The following FLI1 variants were observed in gnomAD, a reference collection of about 807,000 sequenced individuals.
FLI1 encodes the protein Fli-1 proto-oncogene, ETS transcription factor.
A neutral mutation model predicts 53.1 loss-of-function variants in FLI1; 13 were observed. That is an observed-to-expected ratio of 0.24 (90% CI 0.16 to 0.39). FLI1 has a LOEUF of 0.39. Among genes scored for constraint, FLI1 ranks in the 10% least tolerant of loss-of-function variants. The pLI, the probability that FLI1 is intolerant of heterozygous loss-of-function variation, is 1.00. For missense variants in FLI1, 424 were observed against 600.5 expected, an observed-to-expected ratio of 0.71 and a Z score of 3.07; for synonymous variants, 244 against 236.7, an observed-to-expected ratio of 1.03 and a Z score of -0.28.
rs553533840 is a variant in FLI1, at chr11:128,803,285, G to A, written c.656-2081G>A. 1.4e-4 allele frequency among the ~76,000 whole-genome samples: 21 copies of A among 152,264 alleles called. No homozygotes were observed. In the East Asian group the frequency reaches 2.5e-3, roughly 18 times the overall value. ...ACCCTGTTTTCTAGCATGGCTGCAA[G>A]CGCAAAACCTCCCTTAGTTCCCACC... On this transcript the variant is annotated intron_variant, in intron 5 of 8. Transcript: ENST00000527786.
At chr11:128,717,673 C>T (rs533588140) in intron 1 of FLI1, among the ~76,000 whole-genome samples, 69 of 152,328 alleles carry the variant, frequency 4.5e-4, no homozygotes, top group Middle Eastern at 3.4e-3. Flanking sequence ...TTAAATCATT[C>T]ACTCCAGGCC....
intron 4 of FLI1, among the ~76,000 whole-genome samples, chr11:128,773,659 G>A (rs1239398108): frequency 2.0e-5 from 3 of 150,278 alleles, no homozygotes; most frequent in Non-Finnish European, 4.4e-5. Context: ...GCGCCCATCA[G>A]TCTGATATGA....
intron 1 of FLI1, among the ~76,000 whole-genome samples, chr11:128,741,399 A>T (rs1026567312): frequency 3.9e-5 from 6 of 152,280 alleles, no homozygotes; most frequent in African/African-American, 1.4e-4. Context: ...TCTCAAAAGT[A>T]ATAAATAAAT....
At chr11:128,747,926 C>T (rs112494374) in intron 1 of FLI1, among the ~76,000 whole-genome samples, 1 of 152,212 alleles carries the variant, frequency 6.6e-6, no homozygotes, top group Non-Finnish European at 1.5e-5. Context: ...GCAGTAAAAG[C>T]ATTCTCTGTG....
intron 1 of FLI1, among the ~76,000 whole-genome samples, chr11:128,741,732 C>T (rs559741870): frequency 6.6e-6 from 1 of 152,200 alleles, no homozygotes; most frequent in Non-Finnish European, 1.5e-5. Context: ...CCCCTCCCCC[C>T]GATTCCTGCT....
chr11:128,727,367 T>C (rs927061069), intron 1 of FLI1, among the ~76,000 whole-genome samples: 7 of 152,262 alleles, frequency 4.6e-5, no homozygotes, highest in African/African-American at 1.7e-4. Context: ...TTATAGCTTA[T>C]GGATTAGAAA....
At chr11:128,751,516 A>AT (rs1365046016) in intron 1 of FLI1, among the ~76,000 whole-genome samples, 2 of 150,380 alleles carry the variant, frequency 1.3e-5, no homozygotes, top group African/African-American at 4.9e-5. Context: ...CCTTTTTTTT[A>AT]TTTTTTATTT....
rs779201816 is a variant in FLI1, at chr11:128,810,960, T to G, written c.1331T>G (p.Val444Gly). ...GTCCCCCGCCATCCTAACACCCACG[T>G]GCCTTCACACTTAGGCAGCTACTAC... The part of the protein sequence containing the change: ...PNVPRHPNTH[V>G]PSHLGSYY Residue 444 changes from valine (V) to glycine (G), a missense_variant, in exon 9 of 9, where the codon GTG (valine) becomes GGG (glycine). By Grantham distance (109) the Val-to-Gly change is moderately radical. Transcript: ENST00000527786. This position sits in a 1 kb window ranked among gnomAD's most constrained non-coding sequence, Gnocchi z 6.6. The G allele has an allele frequency of 1.2e-6, 2 of 1,614,038 alleles. No individual in the cohort carries two copies. The highest frequency in any genetic ancestry group is 2.2e-5 in the South Asian group (2 of 91,088).
chr11:128,720,539 G>C (rs1939210178), intron 1 of FLI1, among the ~76,000 whole-genome samples: 1 of 152,160 alleles, frequency 6.6e-6, no homozygotes. Flanking sequence ...TCACCTCCTT[G>C]TGCCTCTTAA....
chr11:128,695,391 G>A (rs913273898), intron 1 of FLI1, among the ~76,000 whole-genome samples: 7 of 152,184 alleles, frequency 4.6e-5, no homozygotes, highest in African/African-American at 1.7e-4. Flanking sequence ...AACACCAAGC[G>A]GGAGTCTGTC....
intron 2 of FLI1, among the ~76,000 whole-genome samples, chr11:128,766,967 A>ATCGTCTCCTTGGCCTTCCCG (rs1941365507): frequency 6.6e-6 from 1 of 151,820 alleles, no homozygotes; most frequent in Non-Finnish European, 1.5e-5. Context: ...TGGCCTTCCC[A>ATCGTCTCCTTGGCCTTCCCG]TCGTCTCCTT....
At position 128,771,402 on chromosome 11, in the gene FLI1, C is replaced by T. The variant is rs118115947; in HGVS notation, c.386-1380C>T. On this transcript the variant is annotated intron_variant, in intron 3 of 8. Coordinates refer to ENST00000527786, the MANE Select transcript of FLI1 (RefSeq NM_002017.5). ...GGGCCCTGCCACCCAGATTCTCACA[C>T]ATAAAAACCAAGGTGGAATGGAGAG... Among the ~76,000 whole-genome samples, 988 of 152,334 alleles carry T rather than the reference C, an allele frequency of 6.5e-3. 11 individuals carry two copies. The highest frequency in any genetic ancestry group is 9.3e-3 in the Non-Finnish European group (632 of 68,030).
At chr11:128,796,345 C>A (rs1446240503) in intron 5 of FLI1, among the ~76,000 whole-genome samples, 2 of 152,184 alleles carry the variant, frequency 1.3e-5, no homozygotes, top group African/African-American at 2.4e-5. Flanking sequence ...TAATTATCAG[C>A]CCTGCCCAAT....
At chr11:128,785,929 G>T (rs901659280) in intron 5 of FLI1, among the ~76,000 whole-genome samples, 1 of 152,204 alleles carries the variant, frequency 6.6e-6, no homozygotes, top group Non-Finnish European at 1.5e-5. Flanking sequence ...GGTAATCGTT[G>T]CATAGCATTG....
chr11:128,801,791 ACT>A (rs1433430190), intron 5 of FLI1, among the ~76,000 whole-genome samples: 1 of 152,162 alleles, frequency 6.6e-6, no homozygotes, highest in Non-Finnish European at 1.5e-5. Context: ...GAGTCTACTA[ACT>A]CTGTGTGGGG....
intron 1 of FLI1, among the ~76,000 whole-genome samples, chr11:128,744,058 C>T (rs1050300176): frequency 2.6e-5 from 4 of 152,088 alleles, no homozygotes; most frequent in South Asian, 2.1e-4. Context: ...CTTGGCTCCT[C>T]GTGTAGAGAC....
chr11:128,694,688 G>A (rs1185558706), intron 1 of FLI1, among the ~76,000 whole-genome samples: 2 of 152,188 alleles, frequency 1.3e-5, no homozygotes, highest in East Asian at 1.9e-4. Flanking sequence ...CCTCTCCGCA[G>A]AGGCGGAACA....
intron 1 of FLI1, among the ~76,000 whole-genome samples, chr11:128,707,877 CA>C (rs2135713392): frequency 6.6e-6 from 1 of 152,296 alleles, no homozygotes; most frequent in African/African-American, 2.4e-5. Context: ...ATTAAAGGCT[CA>C]AAACACTGGT....
chr11:128,722,423 G>A (rs1939291833), intron 1 of FLI1, among the ~76,000 whole-genome samples: 1 of 152,216 alleles, frequency 6.6e-6, no homozygotes, highest in African/African-American at 2.4e-5. Context: ...TGGACACCTT[G>A]GCTGCTTAGC....
Sources: allele counts gnomAD v4.1 joint callset (sites outside exome capture counted in the v4.1 genomes callset), GRCh38; gene constraint gnomAD v4.1.1; non-coding constraint Gnocchi (gnomAD v3.1); transcripts MANE v1.5; gene names NCBI Gene and HGNC (gene_info 2026-07-23, HGNC 2026-07-21).